ADAMTS3: variants seen among roughly 807,000 people sequenced by gnomAD.
The protein encoded by ADAMTS3 is ADAM metallopeptidase with thrombospondin type 1 motif 3.
Under a neutral mutation model 129.0 loss-of-function variants are expected in ADAMTS3, and 73 were observed. The observed-to-expected ratio is 0.57, with a 90% CI of 0.47 to 0.69. The LOEUF is 0.69. ADAMTS3 is among the 30% of genes least tolerant of loss of function. The probability of loss-of-function intolerance (pLI) is 0.00; values close to 1 mark genes in which losing one functional copy is unlikely to be tolerated. For synonymous variants in ADAMTS3, 477 were observed against 510.8 expected (o/e 0.93, Z 0.89); for missense variants, 1,457 against 1,514.5 (o/e 0.96, Z 0.63).
chr4:72,549,581 A>C (rs1016476772), intron 2 of ADAMTS3, among the ~76,000 whole-genome samples: 2 of 152,066 alleles, frequency 1.3e-5, no homozygotes, highest in Non-Finnish European at 2.9e-5. Context: ...ATAAACCTCC[A>C]TTTTTAGAAA....
chr4:72,319,188 C>T, intron 9 of ADAMTS3, 144 bp downstream of exon 9: 1 of 946,918 alleles, frequency 1.1e-6, no homozygotes, highest in Non-Finnish European at 1.5e-6. Flanking sequence ...AATTTTTGTG[C>T]TGAATGTTCT....
Position 72,447,210 on chromosome 4 carries a change from C to A in ADAMTS3, c.505-32239G>T, listed in dbSNP as rs142495493. 4.2e-3 allele frequency among the ~76,000 whole-genome samples: 645 copies of A among 151,802 alleles called. 5 individuals carry two copies. The highest frequency in any genetic ancestry group is 0.014 in the African/African-American group (598 of 41,488). Reference sequence around the variant, plus strand: ...GCATTTACTAAATAAATACCAATATCTGAAAATCCCTTATGTCTTTCTTTG... The same window carrying A: ...GCATTTACTAAATAAATACCAATATATGAAAATCCCTTATGTCTTTCTTTG... On this transcript the variant is annotated intron_variant, in intron 3 of 21. Transcript: ENST00000286657.
At position 72,282,863 on chromosome 4, in the gene ADAMTS3, T is replaced by C; in HGVS notation, c.*273A>G. 1 of 261,818 alleles carries C rather than the reference T, an allele frequency of 3.8e-6. No homozygotes were observed. Among genetic ancestry groups the C allele is most frequent in the Non-Finnish European group, 7.2e-6 (1 of 138,156 alleles). The allele number at this position is 261,818 out of a possible 1,614,324, so 16.2% of individuals were successfully genotyped here. On this transcript the variant is annotated 3_prime_UTR_variant, in exon 22 of 22. Transcript: ENST00000286657. Reference sequence around the variant, plus strand: ...AATTGGTTCCAGTCCCTTTTCTGCTTCAGAGAGCGACCAACACAATCTTAG... The same window carrying C: ...AATTGGTTCCAGTCCCTTTTCTGCTCCAGAGAGCGACCAACACAATCTTAG...
intron 4 of ADAMTS3, among the ~76,000 whole-genome samples, chr4:72,389,541 AT>A (rs1721532809): frequency 7.0e-6 from 1 of 142,530 alleles, no homozygotes; most frequent in Non-Finnish European, 1.5e-5. Context: ...AAAAAAAAAA[AT>A]CATACAAACA....
chr4:72,312,055 C>A (rs1211134527), intron 13 of ADAMTS3: 1 of 426,982 alleles, frequency 2.3e-6, no homozygotes, highest in African/African-American at 2.0e-5. Context: ...TTCCACTGGT[C>A]TTTTCACCGC....
At position 72,498,932 on chromosome 4, in the gene ADAMTS3, C is replaced by T. The variant is rs76514344; in HGVS notation, c.504+49546G>A. On this transcript the variant is annotated intron_variant, in intron 3 of 21. Transcript: ENST00000286657. ...TTCCATCTCTGACACTATTTATAAG[C>T]TAATATAAAATCACCTATAACAGGG... is the stretch of plus-strand genomic sequence containing the variant. Among the ~76,000 whole-genome samples the T allele has an allele frequency of 8.1e-3, 1,237 of 152,174 alleles. 12 individuals are homozygous for T. The highest frequency in any genetic ancestry group is 0.029 in the African/African-American group (1,186 of 41,528).
intron 3 of ADAMTS3, among the ~76,000 whole-genome samples, chr4:72,518,949 T>G (rs1720577032): frequency 6.6e-6 from 1 of 152,140 alleles, no homozygotes; most frequent in South Asian, 2.1e-4. Flanking sequence ...TCTTTACATT[T>G]TGGCATGATT....
chr4:72,380,899 C>T (rs1434026099), intron 4 of ADAMTS3, among the ~76,000 whole-genome samples: 2 of 151,862 alleles, frequency 1.3e-5, no homozygotes, highest in Non-Finnish European at 1.5e-5. Context: ...TTTTCCATAC[C>T]GAAAAATAAG....
chr4:72,322,140 GA>G (rs1396134255), intron 6 of ADAMTS3, among the ~76,000 whole-genome samples: 1 of 152,096 alleles, frequency 6.6e-6, no homozygotes, highest in African/African-American at 2.4e-5. Flanking sequence ...CAACCAATTG[GA>G]GGCTGTTATT....
intron 18 of ADAMTS3, among the ~76,000 whole-genome samples, chr4:72,296,451 T>C (rs988884235): frequency 6.6e-6 from 1 of 152,042 alleles, no homozygotes; most frequent in African/African-American, 2.4e-5. Context: ...TCAACTTTTA[T>C]ATTTGTAATT....
intron 4 of ADAMTS3, among the ~76,000 whole-genome samples, chr4:72,378,901 G>C (rs967930087): frequency 1.8e-4 from 28 of 151,956 alleles, no homozygotes; most frequent in African/African-American, 5.6e-4. Context: ...TCAGATTCTC[G>C]AGTTGTTAAA....
At chr4:72,425,154 C>A (rs946196456) in intron 3 of ADAMTS3, among the ~76,000 whole-genome samples, 8 of 152,088 alleles carry the variant, frequency 5.3e-5, no homozygotes, top group African/African-American at 1.9e-4. Context: ...CAATATTTCA[C>A]AAATATATGA....
At position 72,442,397 on chromosome 4, in the gene ADAMTS3, A is replaced by G. The variant is rs373393603; in HGVS notation, c.505-27426T>C. ...CTGCTTCTGGCAATAACCTCAGGAA[A>G]CTTTTAATCATGATGGAAGATAAAG... On this transcript the variant is annotated intron_variant, in intron 3 of 21. Transcript: ENST00000286657. 7.2e-5 allele frequency among the ~76,000 whole-genome samples: 11 copies of G among 151,776 alleles called. No individual in the cohort carries two copies. The East Asian group carries it at 2.0e-3, about 27-fold the overall frequency.
chr4:72,471,140 G>C (rs998648433), intron 3 of ADAMTS3, among the ~76,000 whole-genome samples: 2 of 152,118 alleles, frequency 1.3e-5, no homozygotes, highest in African/African-American at 4.8e-5. Context: ...ACGTGAGCCT[G>C]CCTTTTCAAG....
intron 4 of ADAMTS3, among the ~76,000 whole-genome samples, chr4:72,369,625 T>G (rs1720953815): frequency 6.6e-6 from 1 of 151,608 alleles, no homozygotes; most frequent in African/African-American, 2.4e-5. Context: ...GCACGAGAAT[T>G]GTTCGATCCT....
At chr4:72,408,561 T>C (rs1485862988) in intron 4 of ADAMTS3, among the ~76,000 whole-genome samples, 4 of 152,102 alleles carry the variant, frequency 2.6e-5, no homozygotes, top group African/African-American at 9.7e-5. Flanking sequence ...TAGAAAATTA[T>C]CTTTTAAAAA....
chr4:72,341,652 T>C (rs1379541492), intron 4 of ADAMTS3, among the ~76,000 whole-genome samples: 1 of 152,200 alleles, frequency 6.6e-6, no homozygotes, highest in Non-Finnish European at 1.5e-5. Flanking sequence ...AGCAATGTTA[T>C]TATATCATGA....
At chr4:72,358,202 T>C (rs182548651) in intron 4 of ADAMTS3, among the ~76,000 whole-genome samples, 5 of 152,088 alleles carry the variant, frequency 3.3e-5, no homozygotes, top group African/African-American at 1.2e-4. Context: ...ACTCTTGACA[T>C]GATATAAACT....
At chr4:72,349,232 T>C (rs1720365174) in intron 4 of ADAMTS3, among the ~76,000 whole-genome samples, 1 of 152,042 alleles carries the variant, frequency 6.6e-6, no homozygotes, top group Non-Finnish European at 1.5e-5. Flanking sequence ...TCTTTCTGGC[T>C]AAATTTCCAT....
Sources: gnomAD v4.1 joint callset for allele counts (sites outside exome capture counted in the v4.1 genomes callset) on GRCh38, gnomAD v4.1.1 for gene constraint, MANE v1.5 for transcripts, NCBI Gene and HGNC (gene_info 2026-07-23, HGNC 2026-07-21) for gene names.